Variants in LRFN2 observed in about 807,000 individuals in gnomAD.
The protein encoded by LRFN2 is leucine-rich repeat and fibronectin type-III domain-containing protein 2.
Under a neutral mutation model 37.3 loss-of-function variants are expected in LRFN2, and 18 were observed. The observed-to-expected ratio is 0.48, with a 90% CI of 0.33 to 0.72. The LOEUF (loss-of-function observed/expected upper bound fraction) is 0.72. Among genes scored for constraint, LRFN2 ranks in the 30% least tolerant of loss-of-function variants. The pLI, the probability that LRFN2 is intolerant of heterozygous loss-of-function variation, is 0.02. For synonymous variants in LRFN2, 556 were observed against 466.6 expected, an observed-to-expected ratio of 1.19 and a Z score of -2.47; for missense variants, 1,006 against 1,060.7, an observed-to-expected ratio of 0.95 and a Z score of 0.72.
intron 1 of LRFN2, among the ~76,000 whole-genome samples, chr6:40,506,352 G>A (rs1237277088): frequency 6.6e-6 from 1 of 152,204 alleles, no homozygotes; most frequent in Non-Finnish European, 1.5e-5. Context: ...TGAAAGCAGA[G>A]TTCTGACCAG....
chr6:40,404,584 A>T (rs1016505937), intron 2 of LRFN2, among the ~76,000 whole-genome samples: 2 of 152,346 alleles, frequency 1.3e-5, no homozygotes, highest in Non-Finnish European at 2.9e-5. Flanking sequence ...CCACTGTGTG[A>T]CATTTCCATC....
At chr6:40,473,960 T>C (rs931051049) in intron 1 of LRFN2, among the ~76,000 whole-genome samples, 11 of 152,134 alleles carry the variant, frequency 7.2e-5, no homozygotes, top group African/African-American at 2.7e-4. Flanking sequence ...CTCGCACACA[T>C]GCCTCCTCAC....
chr6:40,439,877 C>T (rs1763788793), intron 1 of LRFN2, among the ~76,000 whole-genome samples: 1 of 152,066 alleles, frequency 6.6e-6, no homozygotes, highest in Admixed American at 6.6e-5. Flanking sequence ...CTTAGTTCGA[C>T]TTTGGAGTCA....
chr6:40,513,409 T>A (rs188310424), intron 1 of LRFN2, among the ~76,000 whole-genome samples: 124 of 152,062 alleles, frequency 8.2e-4, no homozygotes, highest in Non-Finnish European at 1.5e-3. Flanking sequence ...AATTTTTGTG[T>A]TTTTAGTAGA....
intron 1 of LRFN2, among the ~76,000 whole-genome samples, chr6:40,583,176 C>T (rs75526125): frequency 3.4e-5 from 3 of 88,654 alleles, no homozygotes; most frequent in East Asian, 5.1e-4. Context: ...TACAGATATA[C>T]ATATGTATAT....
chr6:40,403,179 G>A (rs1288772912), intron 2 of LRFN2, among the ~76,000 whole-genome samples: 1 of 152,226 alleles, frequency 6.6e-6, no homozygotes, highest in Non-Finnish European at 1.5e-5. Context: ...TGGAGCCGGT[G>A]TCTCATACTT....
intron 1 of LRFN2, among the ~76,000 whole-genome samples, chr6:40,459,551 C>A (rs1764303551): frequency 2.0e-5 from 3 of 152,216 alleles, no homozygotes; most frequent in Admixed American, 2.0e-4. Context: ...CTGCTTCCTA[C>A]TGTCCTCCCC....
At chr6:40,576,582 G>A (rs1374129045) in intron 1 of LRFN2, among the ~76,000 whole-genome samples, 1 of 152,118 alleles carries the variant, frequency 6.6e-6, no homozygotes, top group African/African-American at 2.4e-5. Context: ...CTCTCTCTCC[G>A]GAGCTGCCTG....
chr6:40,472,564 C>T (rs1764623432), intron 1 of LRFN2, among the ~76,000 whole-genome samples: 1 of 152,192 alleles, frequency 6.6e-6, no homozygotes, highest in African/African-American at 2.4e-5. Flanking sequence ...TCGCCACCTG[C>T]TAGCATTCAG....
chr6:40,463,886 C>T (rs898484771), intron 1 of LRFN2, among the ~76,000 whole-genome samples: 2 of 152,100 alleles, frequency 1.3e-5, no homozygotes, highest in Non-Finnish European at 2.9e-5. Flanking sequence ...ACATGTTGCC[C>T]AGGCTGGTCT....
chr6:40,535,009 A>G (rs1156489565), intron 1 of LRFN2, among the ~76,000 whole-genome samples: 1 of 152,182 alleles, frequency 6.6e-6, no homozygotes, highest in Non-Finnish European at 1.5e-5. Flanking sequence ...TTGGACTGAG[A>G]TCTTTCTGAC....
intron 1 of LRFN2, among the ~76,000 whole-genome samples, chr6:40,459,989 T>A (rs965782548): frequency 1.3e-5 from 2 of 152,200 alleles, no homozygotes; most frequent in Non-Finnish European, 2.9e-5. Context: ...CCAATATTTA[T>A]AACCACTGTA....
At position 40,580,774 on chromosome 6, in the gene LRFN2, G is replaced by C. The variant is rs766922888; in HGVS notation, c.-19+6167C>G. ...GGAAAAAGGGAGTGTGTGCATGTAT[G>C]TGTGAATATGTGGGAGTGTTGCATT... On this transcript the variant is annotated intron_variant, in intron 1 of 2. Coordinates refer to ENST00000338305, the MANE Select transcript of LRFN2 (RefSeq NM_020737.3). Among the ~76,000 whole-genome samples, 7 of 152,342 alleles carry C rather than the reference G, an allele frequency of 4.6e-5. No homozygotes were observed. In the South Asian group the frequency reaches 8.3e-4, roughly 18 times the overall value.
intron 1 of LRFN2, among the ~76,000 whole-genome samples, chr6:40,433,921 G>A (rs1332731872): frequency 1.3e-5 from 2 of 152,118 alleles, no homozygotes; most frequent in East Asian, 3.9e-4. Flanking sequence ...CAGAAGGAAG[G>A]GATTATCTAT....
At chr6:40,580,911 G>A (rs1421143795) in intron 1 of LRFN2, among the ~76,000 whole-genome samples, 1 of 152,222 alleles carries the variant, frequency 6.6e-6, no homozygotes, top group East Asian at 1.9e-4. Flanking sequence ...GTATGTGTTA[G>A]TGTGAGCATA....
At chr6:40,454,672 A>G (rs930625755) in intron 1 of LRFN2, among the ~76,000 whole-genome samples, 3 of 152,174 alleles carry the variant, frequency 2.0e-5, no homozygotes, top group African/African-American at 7.2e-5. Flanking sequence ...AGGACTCTAC[A>G]CTATCCACTC....
At chr6:40,417,612 G>A (rs768043732) in intron 2 of LRFN2, among the ~76,000 whole-genome samples, 8 of 152,168 alleles carry the variant, frequency 5.3e-5, no homozygotes, top group Admixed American at 2.0e-4. Flanking sequence ...GGTCAGTGAT[G>A]GCGTGGGATG....
At chr6:40,397,808 C>T (rs746331964) in intron 2 of LRFN2, among the ~76,000 whole-genome samples, 2 of 147,256 alleles carry the variant, frequency 1.4e-5, no homozygotes, top group Non-Finnish European at 3.1e-5. Flanking sequence ...ACGTCTGCCT[C>T]ATCCCCAGGA....
chr6:40,530,894 GTAAC>G (rs1300938209), intron 1 of LRFN2, among the ~76,000 whole-genome samples: 3 of 152,120 alleles, frequency 2.0e-5, no homozygotes, highest in Non-Finnish European at 4.4e-5. Context: ...CCTGGTCTGG[GTAAC>G]TAACTGTCAA....
Sources: gnomAD v4.1 joint callset for allele counts (sites outside exome capture counted in the v4.1 genomes callset) on GRCh38, gnomAD v4.1.1 for gene constraint, MANE v1.5 for transcripts, NCBI Gene and HGNC (gene_info 2026-07-23, HGNC 2026-07-21) for gene names.